Variants in DNM2 observed in about 807,000 individuals in gnomAD.
The protein encoded by DNM2 is dynamin-2.
DNM2 carries 15 observed loss-of-function variants against 99.0 expected under a neutral mutation model. The ratio of observed to expected loss-of-function variants is 0.15; its 90% confidence interval spans 0.10 to 0.23. The LOEUF is 0.23. Ranked by LOEUF, DNM2 falls within the 10% of genes least tolerant of loss-of-function variation. The pLI is 1.00. For missense variants in DNM2, 742 were observed against 1,189.4 expected (o/e 0.62, Z 5.53); for synonymous variants, 525 against 481.2 (o/e 1.09, Z -1.19).
At chr19:10,821,884 T>C (rs2146169303) in intron 16 of DNM2, among the ~76,000 whole-genome samples, 1 of 152,194 alleles carries the variant, frequency 6.6e-6, no homozygotes, top group East Asian at 1.9e-4. Context: ...ACTCCAGCCA[T>C]TGTGATGATG....
In DNM2 at chr19:10,795,879, C is replaced by G. The variant is rs2071913413; in HGVS notation, c.1196+440C>G. On this transcript the variant is annotated intron_variant, in intron 9 of 20. Transcript: ENST00000389253. The surrounding 1 kb of genome is among the most constrained non-coding windows in gnomAD (Gnocchi z 4.2). Reference sequence around the variant, plus strand: ...TAGTTGCTCCAGGTGTCTGCCCTTCCATCGCCGTGGGGTCCTCGGGTCACC... The same window carrying G: ...TAGTTGCTCCAGGTGTCTGCCCTTCGATCGCCGTGGGGTCCTCGGGTCACC... 8.7e-6 allele frequency: 8 copies of G among 923,886 alleles called. No individual in the cohort carries two copies. The highest frequency in any genetic ancestry group is 8.6e-6 in the Non-Finnish European group (5 of 582,144). 57.2% of individuals were successfully genotyped at this position (923,886 alleles called of 1,614,324 possible). A position where few individuals can be genotyped will look rare whatever the true frequency, so the allele number is the denominator to read the frequency against.
chr19:10,780,320 C>T (rs1476071890), intron 5 of DNM2: 1 of 152,920 alleles, frequency 6.5e-6, no homozygotes, highest in Non-Finnish European at 1.5e-5. Context: ...CCCAACCCCA[C>T]GCCCTACTAC....
chr19:10,798,725 C>T lies in DNM2; in HGVS notation c.1422+153C>T, dbSNP rs1289968545. Among the ~76,000 whole-genome samples the T allele has an allele frequency of 7.2e-5, 11 of 152,130 alleles. No individual in the cohort carries two copies. In the South Asian group the frequency reaches 1.9e-3, roughly 26 times the overall value. On this transcript the variant is annotated intron_variant, in intron 11 of 20. Coordinates refer to ENST00000389253, the MANE Select transcript of DNM2 (RefSeq NM_001005361.3). ...TCCGTCACCTCCTAAAATCCCTGTCCCTATCATGCTGACAGCTGCATATGG... is the reference window on the plus strand; with the variant it reads ...TCCGTCACCTCCTAAAATCCCTGTCTCTATCATGCTGACAGCTGCATATGG...
chr19:10,771,152 C>G (rs2070963745), intron 2 of DNM2, among the ~76,000 whole-genome samples: 1 of 152,126 alleles, frequency 6.6e-6, no homozygotes, highest in African/African-American at 2.4e-5. Context: ...TGGGGATATC[C>G]CCTCCCCAAC....
rs558027044 is a variant in DNM2 at position 10,831,262 on chromosome 19, G to A, written c.*215G>A. 4.3e-5 allele frequency: 57 copies of A among 1,321,810 alleles called. No individual in the cohort carries two copies. Among genetic ancestry groups the A allele is most frequent in the Non-Finnish European group, 5.4e-5 (56 of 1,039,750 alleles). 81.9% of individuals were successfully genotyped at this position (1,321,810 alleles called of 1,614,324 possible). On this transcript the variant is annotated 3_prime_UTR_variant, in exon 21 of 21. Coordinates refer to ENST00000389253, the MANE Select transcript of DNM2 (RefSeq NM_001005361.3). This position sits in a 1 kb window ranked among gnomAD's most constrained non-coding sequence, Gnocchi z 4.3. ...GGCCCTGGAGCTCCAGGCAGGGGGCGCTGGGGTGTTGCACTTTGGGGGATG... is the reference window on the plus strand; with the variant it reads ...GGCCCTGGAGCTCCAGGCAGGGGGCACTGGGGTGTTGCACTTTGGGGGATG...
chr19:10,831,670 TCTCCTC>T lies in DNM2; in HGVS notation c.*635_*640del, dbSNP rs971881209. 4.1e-6 allele frequency: 4 copies of T among 985,642 alleles called. No individual in the cohort carries two copies. The highest frequency in any genetic ancestry group is 3.5e-5 in the African/African-American group (2 of 57,146). 61.1% of individuals were successfully genotyped at this position (985,642 alleles called of 1,614,324 possible). On this transcript the variant is annotated 3_prime_UTR_variant, in exon 21 of 21. Coordinates refer to ENST00000389253, the MANE Select transcript of DNM2 (RefSeq NM_001005361.3). This position sits in a 1 kb window ranked among gnomAD's most constrained non-coding sequence, Gnocchi z 4.3. ...GCCCGGGCCGGCCTTGCCCTATTCC[TCTCCTC>T]CTCCTCCTCCTGGGTCCCCCAGGGT...
intron 2 of DNM2, among the ~76,000 whole-genome samples, chr19:10,768,167 C>T (rs1806625): frequency 0.93 from 142,219 of 152,178 alleles, 66,741 homozygotes; most frequent in East Asian, 1. Context: ...AGAACAGCCC[C>T]TGCTGGCCGG....
chr19:10,729,708 G>A (rs570616328), intron 1 of DNM2, among the ~76,000 whole-genome samples: 2 of 152,308 alleles, frequency 1.3e-5, no homozygotes, highest in Middle Eastern at 6.8e-3. Flanking sequence ...AACCATTACA[G>A]ATGAGGAAGA....
chr19:10,723,371 G>C (rs1237560847), intron 1 of DNM2, among the ~76,000 whole-genome samples: 1 of 152,162 alleles, frequency 6.6e-6, no homozygotes, highest in South Asian at 2.1e-4. Context: ...GACCTCAGGT[G>C]ATCTGCCGGC....
At position 10,772,603 on chromosome 19, in the gene DNM2, C is replaced by T. The variant is rs1057329372; in HGVS notation, c.360C>T (p.Ile120=). Residue 120 remains isoleucine (I), a synonymous_variant, in exon 3 of 21, where the codon ATC becomes ATT. Coordinates refer to ENST00000389253, the MANE Select transcript of DNM2 (RefSeq NM_001005361.3). This position sits in a 1 kb window ranked among gnomAD's most constrained non-coding sequence, Gnocchi z 4.9. ...GTNKGISPVP[I]NLRVYSPHVL... The stretch of plus-strand genomic sequence containing the variant: ...ACAAAGGCATCTCCCCAGTGCCCAT[C>T]AACCTTCGAGTCTACTCGCCACACG... 1.2e-6 allele frequency: 2 copies of T among 1,614,070 alleles called. No individual in the cohort carries two copies. Among genetic ancestry groups the T allele is most frequent in the African/African-American group, 2.7e-5 (2 of 74,938 alleles).
chr19:10,755,466 CT>C (rs34019172), intron 1 of DNM2: 117 of 142,542 alleles, frequency 8.2e-4, no homozygotes, highest in East Asian at 8.2e-4. Context: ...CTGCATTTGT[CT>C]TTTTTTTTTT....
intron 13 of DNM2, 65 bp downstream of exon 13, chr19:10,806,032 A>C: frequency 6.2e-7 from 1 of 1,606,190 alleles, no homozygotes; most frequent in Admixed American, 1.7e-5. Context: ...GTGACAGCTA[A>C]GCCCCCGTGA....
At chr19:10,781,567 G>A (rs1214482478) in intron 5 of DNM2, 3 of 152,254 alleles carry the variant, frequency 2.0e-5, no homozygotes, top group African/African-American at 7.2e-5. Context: ...CAGATCATGA[G>A]GTCAGGAGTT....
At chr19:10,777,498 C>T (rs545395515) in intron 5 of DNM2, among the ~76,000 whole-genome samples, 15 of 152,302 alleles carry the variant, frequency 9.8e-5, no homozygotes, top group African/African-American at 2.6e-4. Flanking sequence ...CCCCAGACAG[C>T]CACTGGTGAA....
At chr19:10,742,345 C>T (rs925196011) in intron 1 of DNM2, among the ~76,000 whole-genome samples, 1 of 152,156 alleles carries the variant, frequency 6.6e-6, no homozygotes, top group Non-Finnish European at 1.5e-5. Context: ...GTTGTGGTGC[C>T]AGGCATTGAC....
intron 1 of DNM2, among the ~76,000 whole-genome samples, chr19:10,739,850 T>A (rs2069675453): frequency 9.1e-6 from 1 of 109,334 alleles, no homozygotes; most frequent in Non-Finnish European, 1.7e-5. Context: ...AGCAAGACTC[T>A]CTCTCTCTCT....
At chr19:10,742,008 CT>C (rs1248477598) in intron 1 of DNM2, among the ~76,000 whole-genome samples, 7 of 148,398 alleles carry the variant, frequency 4.7e-5, no homozygotes, top group Non-Finnish European at 7.4e-5. Flanking sequence ...TTCCTTCTTT[CT>C]TTTTTTCTTT....
intron 1 of DNM2, among the ~76,000 whole-genome samples, chr19:10,731,320 C>A (rs1340745552): frequency 1.3e-5 from 2 of 151,916 alleles, no homozygotes; most frequent in Non-Finnish European, 2.9e-5. Flanking sequence ...GCCACCAGGA[C>A]ACTGCCTTTC....
chr19:10,784,601 A>G (rs955747970), intron 6 of DNM2, among the ~76,000 whole-genome samples: 1 of 152,004 alleles, frequency 6.6e-6, no homozygotes, highest in Non-Finnish European at 1.5e-5. Flanking sequence ...TAAGTGCCCT[A>G]GTATCCTGTC....
Sources: allele counts gnomAD v4.1 joint callset (sites outside exome capture counted in the v4.1 genomes callset), GRCh38; gene constraint gnomAD v4.1.1; non-coding constraint Gnocchi (gnomAD v3.1); transcripts MANE v1.5; gene names NCBI Gene and HGNC (gene_info 2026-07-23, HGNC 2026-07-21).